Variants in GNG4 observed in about 807,000 individuals in gnomAD.
GNG4 encodes G protein subunit gamma 4.
Under a neutral mutation model 5.8 loss-of-function variants are expected in GNG4, and 4 were observed. The ratio of observed to expected loss-of-function variants is 0.69; its 90% CI spans 0.34 to 1.57. GNG4 has a LOEUF of 1.57. Among genes scored for constraint, GNG4 ranks in the 40% most tolerant of loss-of-function variants. The probability of loss-of-function intolerance (pLI) is 0.06; values close to 1 mark genes in which losing one functional copy is unlikely to be tolerated. For synonymous variants in GNG4, 29 were observed against 32.9 expected, an observed-to-expected ratio of 0.88 and a Z score of 0.41; for missense variants, 96 against 95.1, an observed-to-expected ratio of 1.01 and a Z score of -0.04.
intron 3 of GNG4, among the ~76,000 whole-genome samples, chr1:235,572,495 C>CTTT (rs1261290924): frequency 8.9e-6 from 1 of 112,730 alleles, no homozygotes. Flanking sequence ...CCACCGTGCT[C>CTTT]TTTTTTTTTT....
Position 235,551,839 on chromosome 1 carries a change from A to C in GNG4, c.*270T>G. On this transcript the variant is annotated 3_prime_UTR_variant, in exon 4 of 4. Coordinates refer to ENST00000391854, the MANE Select transcript of GNG4 (RefSeq NM_001098722.2). ...GATGTTTAAAAATTTTAAACTCTTA[A>C]GTCCAGACTTACTTTTACATGGCAC... The C allele has an allele frequency of 4.0e-6, 1 of 250,298 alleles. No homozygotes were observed. Among genetic ancestry groups the C allele is most frequent in the South Asian group, 6.5e-5 (1 of 15,458 alleles). 15.5% of individuals were successfully genotyped at this position (250,298 alleles called of 1,614,324 possible).
intron 1 of GNG4, among the ~76,000 whole-genome samples, chr1:235,633,923 C>A (rs1017827450): frequency 6.6e-6 from 1 of 152,040 alleles, no homozygotes; most frequent in Non-Finnish European, 1.5e-5. Context: ...TCTTTATAAG[C>A]AAATAGGGAA....
chr1:235,580,474 G>GA (rs368606090), intron 3 of GNG4, among the ~76,000 whole-genome samples: 3 of 152,244 alleles, frequency 2.0e-5, no homozygotes, highest in African/African-American at 7.2e-5. Flanking sequence ...GTCCAAGCAA[G>GA]AAAAAAACAA....
rs34099056 is a variant in GNG4, at chr1:235,597,399, A to AC, written c.-122-1889dup. Among the ~76,000 whole-genome samples, 343 of 119,336 alleles carry AC rather than the reference A, an allele frequency of 2.9e-3. 1 individual carries two copies. Among genetic ancestry groups the AC allele is most frequent in the Non-Finnish European group, 4.1e-3 (230 of 56,072 alleles). The allele number at this position is 119,336 out of a possible 152,430, so 78.3% of individuals were successfully genotyped here. A position where few individuals can be genotyped will look rare whatever the true frequency, so the allele number is the denominator to read the frequency against. The stretch of plus-strand genomic sequence containing the variant: ...TGGTCAGAATGTTTATGTCCCCCCT[A>AC]CCCCCCCCAAATTCCTATATTGAAA... On this transcript the variant is annotated intron_variant, in intron 1 of 3. Coordinates refer to ENST00000391854, the MANE Select transcript of GNG4 (RefSeq NM_001098722.2).
chr1:235,612,531 G>A (rs1313344701), intron 1 of GNG4, among the ~76,000 whole-genome samples: 3 of 152,190 alleles, frequency 2.0e-5, no homozygotes, highest in African/African-American at 7.2e-5. Flanking sequence ...CATAAATTGG[G>A]TAGGTTTTTT....
chr1:235,581,601 C>T (rs536213311), intron 3 of GNG4, among the ~76,000 whole-genome samples: 46 of 152,070 alleles, frequency 3.0e-4, no homozygotes, highest in Non-Finnish European at 4.3e-4. Flanking sequence ...TACCCTTCAC[C>T]TTCTGCCATG....
Position 235,644,388 on chromosome 1 carries a change from C to T in GNG4, c.-123+5274G>A, listed in dbSNP as rs577596376. Among the ~76,000 whole-genome samples the T allele has an allele frequency of 2.0e-5, 3 of 152,316 alleles. No individual in the cohort carries two copies. The highest frequency in any genetic ancestry group is 1.9e-4 in the East Asian group (1 of 5,188). ...CTCACATCCACCGAGCGACCCTCCT[C>T]GGCCACCTCCACACCCACACTCCAG... On this transcript the variant is annotated intron_variant, in intron 1 of 3. Coordinates refer to ENST00000391854, the MANE Select transcript of GNG4 (RefSeq NM_001098722.2). The surrounding 1 kb of genome is among the most constrained non-coding windows in gnomAD (Gnocchi z 5.9).
chr1:235,627,580 C>T (rs56293833), intron 1 of GNG4, among the ~76,000 whole-genome samples: 2,138 of 152,234 alleles, frequency 0.014, 47 homozygotes, highest in African/African-American at 0.049. Context: ...CTGTCTGGTA[C>T]GGCACAGGGG....
intron 1 of GNG4, chr1:235,616,091 C>G (rs1379603490): frequency 2.4e-6 from 1 of 420,526 alleles, no homozygotes; most frequent in African/African-American, 2.1e-5. Flanking sequence ...TGTCATCCTG[C>G]TTAGCGCTAG....
chr1:235,599,399 C>G (rs990646506), intron 1 of GNG4, among the ~76,000 whole-genome samples: 2 of 151,764 alleles, frequency 1.3e-5, no homozygotes, highest in African/African-American at 2.4e-5. Context: ...TCACTGCAAC[C>G]GCCGCCTCCC....
At chr1:235,646,665 G>T (rs1209757410) in intron 1 of GNG4, among the ~76,000 whole-genome samples, 2 of 152,176 alleles carry the variant, frequency 1.3e-5, no homozygotes, top group African/African-American at 4.8e-5. Flanking sequence ...TCCTTCCCCA[G>T]TGAGCACGGC....
At chr1:235,629,646 A>G (rs1306285387) in intron 1 of GNG4, among the ~76,000 whole-genome samples, 2 of 150,566 alleles carry the variant, frequency 1.3e-5, no homozygotes, top group Non-Finnish European at 3.0e-5. Context: ...GCCCAGGCTG[A>G]AGTGCAGTGG....
intron 3 of GNG4, among the ~76,000 whole-genome samples, chr1:235,572,304 A>G (rs1420043175): frequency 6.6e-6 from 1 of 151,996 alleles, no homozygotes; most frequent in African/African-American, 2.4e-5. Context: ...GGTTCAAGCG[A>G]TTCTCTTGCC....
At chr1:235,560,792 T>C (rs1183948651) in intron 3 of GNG4, among the ~76,000 whole-genome samples, 2 of 152,192 alleles carry the variant, frequency 1.3e-5, no homozygotes, top group African/African-American at 4.8e-5. Context: ...TCCGAAGCAT[T>C]TTCCCCTTTT....
At chr1:235,621,240 T>A (rs917815650) in intron 1 of GNG4, among the ~76,000 whole-genome samples, 4 of 60,260 alleles carry the variant, frequency 6.6e-5, no homozygotes, top group African/African-American at 2.5e-4. Context: ...AAAGTCTAAT[T>A]TTTTTTTAAT....
intron 3 of GNG4, among the ~76,000 whole-genome samples, chr1:235,570,890 GTATA>G (rs1313843334): frequency 8.1e-6 from 1 of 123,640 alleles, no homozygotes; most frequent in Non-Finnish European, 1.7e-5. Context: ...GTATATGTAT[GTATA>G]TATGTGTGTG....
At chr1:235,573,671 G>T (rs1190079987) in intron 3 of GNG4, among the ~76,000 whole-genome samples, 2 of 152,122 alleles carry the variant, frequency 1.3e-5, no homozygotes, top group African/African-American at 4.8e-5. Context: ...CAGCTACTCA[G>T]GAGGCCGAGG....
intron 3 of GNG4, among the ~76,000 whole-genome samples, chr1:235,579,975 CA>C (rs1432797135): frequency 2.0e-5 from 3 of 151,966 alleles, no homozygotes; most frequent in Non-Finnish European, 4.4e-5. Context: ...ATGTTCCTAA[CA>C]GCATTATTTA....
At chr1:235,593,541 T>G (rs759119074) in intron 2 of GNG4, among the ~76,000 whole-genome samples, 3 of 152,216 alleles carry the variant, frequency 2.0e-5, no homozygotes, top group Admixed American at 6.5e-5. Flanking sequence ...TGGTGGGTTC[T>G]TGGTCTCACC....
Sources: allele counts gnomAD v4.1 joint callset (sites outside exome capture counted in the v4.1 genomes callset), GRCh38; gene constraint gnomAD v4.1.1; non-coding constraint Gnocchi (gnomAD v3.1); transcripts MANE v1.5; gene names NCBI Gene and HGNC (gene_info 2026-07-23, HGNC 2026-07-21).